The following ZNF280C variants were observed in gnomAD, a reference collection of about 807,000 sequenced individuals.
ZNF280C encodes the protein zinc finger protein 280C, also known as suppressor of hairy wing homolog 3.
In ZNF280C, 14 loss-of-function variants were observed where a neutral mutation model predicts 53.6. The ratio of observed to expected loss-of-function variants is 0.26; its 90% confidence interval spans 0.17 to 0.41. The LOEUF (loss-of-function observed/expected upper bound fraction) is 0.41, where lower values mean the gene tolerates loss of function less well. Among genes scored for constraint, ZNF280C ranks in the 10% least tolerant of loss-of-function variants. The pLI is 1.00. For missense variants in ZNF280C, 416 were observed against 547.1 expected (o/e 0.76, Z 2.39); for synonymous variants, 203 against 181.1 (o/e 1.12, Z -0.97).
chrX:130,231,687 G>A (rs1269812206), intron 8 of ZNF280C, among the ~76,000 whole-genome samples: 3 of 110,172 alleles, frequency 2.7e-5, no homozygotes, highest in African/African-American at 9.9e-5. Flanking sequence ...ATATACCCTT[G>A]TTAACAAACT....
In ZNF280C at chrX:130,257,317, G is replaced by A. The variant is rs190205043; in HGVS notation, c.31+3102C>T. On this transcript the variant is annotated intron_variant, in intron 2 of 18. Transcript: ENST00000370978. ...GACAATACATAGAAAAAGAGAAAAGGAAATGTATCCATCATAATACATTAA... is the reference window on the plus strand; with the variant it reads ...GACAATACATAGAAAAAGAGAAAAGAAAATGTATCCATCATAATACATTAA... Among the ~76,000 whole-genome samples the A allele has an allele frequency of 3.5e-3, 389 of 110,332 alleles. 4 individuals are homozygous for A. Among genetic ancestry groups the A allele is most frequent in the Middle Eastern group, 0.014 (3 of 214 alleles).
intron 13 of ZNF280C, among the ~76,000 whole-genome samples, chrX:130,219,892 A>T (rs1395987365): frequency 1.8e-5 from 2 of 111,027 alleles, no homozygotes; most frequent in Admixed American, 9.7e-5. Context: ...AACTAAAAAA[A>T]ACAATGGTTA....
rs2031927047 is a variant in ZNF280C, at chrX:130,202,745, G to C, written c.*2232C>G. ...AAGTTATTTATTAGAAATTTCCAAG[G>C]CACTTTAACAATACAAATTTTATTA... On this transcript the variant is annotated 3_prime_UTR_variant, in exon 19 of 19. Transcript: ENST00000370978. 1 of 109,658 alleles carries C rather than the reference G, an allele frequency of 9.1e-6. No homozygotes were observed. The highest frequency in any genetic ancestry group is 1.9e-5 in the Non-Finnish European group (1 of 52,704). 9.0% of individuals were successfully genotyped at this position (109,658 alleles called of 1,213,427 possible).
chrX:130,255,708 A>C (rs1410605433), intron 2 of ZNF280C, among the ~76,000 whole-genome samples: 3 of 111,732 alleles, frequency 2.7e-5, no homozygotes, highest in Non-Finnish European at 5.7e-5. Flanking sequence ...TAATCCCAGC[A>C]CTTTCGGAGG....
intron 2 of ZNF280C, among the ~76,000 whole-genome samples, chrX:130,257,807 G>A (rs886884842): frequency 3.6e-5 from 4 of 112,642 alleles, no homozygotes; most frequent in African/African-American, 1.3e-4. Context: ...AAAAAATAGT[G>A]AAGGAGATGT....
At chrX:130,232,419 C>T (rs1402533413) in intron 8 of ZNF280C, among the ~76,000 whole-genome samples, 1 of 108,769 alleles carries the variant, frequency 9.2e-6, no homozygotes, top group African/African-American at 3.4e-5. Context: ...CTAAGAATAA[C>T]TGGATAAAAA....
At chrX:130,240,626 T>C (rs1260695722) in intron 5 of ZNF280C, among the ~76,000 whole-genome samples, 1 of 112,475 alleles carries the variant, frequency 8.9e-6, no homozygotes, top group Non-Finnish European at 1.9e-5. Context: ...AAGGTAACAC[T>C]TTCAACCTTT....
chrX:130,264,019 C>A (rs1251573501), intron 1 of ZNF280C, among the ~76,000 whole-genome samples: 2 of 63,345 alleles, frequency 3.2e-5, no homozygotes, highest in African/African-American at 7.1e-5. Flanking sequence ...AGTGAGACAC[C>A]ATCTCAAAAA....
intron 16 of ZNF280C, among the ~76,000 whole-genome samples, chrX:130,207,962 G>A (rs1484872576): frequency 9.0e-6 from 1 of 111,328 alleles, no homozygotes; most frequent in Admixed American, 9.6e-5. Flanking sequence ...TACATTCCTT[G>A]AAGGTTGGTA....
intron 16 of ZNF280C, among the ~76,000 whole-genome samples, chrX:130,207,957 T>C (rs1274132549): frequency 3.6e-5 from 4 of 111,627 alleles, no homozygotes; most frequent in African/African-American, 1.3e-4. Flanking sequence ...AATTGTACAT[T>C]CCTTGAAGGT....
At chrX:130,245,784 C>CA (rs1556311571) in intron 3 of ZNF280C, among the ~76,000 whole-genome samples, 4 of 103,458 alleles carry the variant, frequency 3.9e-5, no homozygotes, top group South Asian at 4.3e-4. Context: ...TATTTGAGGA[C>CA]TTTTTTTTTT....
intron 3 of ZNF280C, among the ~76,000 whole-genome samples, chrX:130,244,302 C>T (rs1015823862): frequency 3.6e-5 from 4 of 111,695 alleles, no homozygotes; most frequent in African/African-American, 9.8e-5. Flanking sequence ...CCCTCTGGAT[C>T]GGTTTAAGAC....
At position 130,236,451 on chromosome X, in the gene ZNF280C, G is replaced by A; in HGVS notation, c.664+18C>T. On this transcript the variant is annotated intron_variant, in intron 7 of 18. Coordinates refer to ENST00000370978, the MANE Select transcript of ZNF280C (RefSeq NM_017666.5). The stretch of plus-strand genomic sequence containing the variant: ...AAAATAATACTATTTTTTTTTACAT[G>A]TCAGATTTCATGTTTACCTTTTGAC... The A allele has an allele frequency of 6.0e-6, 7 of 1,163,774 alleles. No homozygotes were observed. Among genetic ancestry groups the A allele is most frequent in the Non-Finnish European group, 8.0e-6 (7 of 873,218 alleles).
chrX:130,224,835 C>T (rs1485302648), intron 12 of ZNF280C, among the ~76,000 whole-genome samples: 3 of 111,706 alleles, frequency 2.7e-5, no homozygotes, highest in Non-Finnish European at 5.6e-5. Flanking sequence ...GTCACCATAA[C>T]CGTATTTTTT....
intron 3 of ZNF280C, 103 bp from the exon 4 acceptor site, chrX:130,243,968 A>T (rs2032421979): frequency 2.0e-6 from 1 of 510,564 alleles, no homozygotes; most frequent in Non-Finnish European, 2.9e-6. Context: ...TAATTGAAGT[A>T]TATTTCTTTC....
At chrX:130,237,181 AAACT>A (rs1332533569) in intron 6 of ZNF280C, among the ~76,000 whole-genome samples, 10 of 111,926 alleles carry the variant, frequency 8.9e-5, no homozygotes, top group African/African-American at 2.3e-4. Context: ...TCCACCGAAC[AAACT>A]AACAGGTGGT....
chrX:130,213,543 G>A (rs775338695), intron 15 of ZNF280C, among the ~76,000 whole-genome samples: 11 of 112,262 alleles, frequency 9.8e-5, no homozygotes, highest in Non-Finnish European at 1.7e-4. Context: ...GACTAAGCAT[G>A]CCTGAAGATA....
intron 2 of ZNF280C, 67 bp from the exon 3 acceptor site, chrX:130,247,072 A>G: frequency 2.0e-6 from 2 of 1,000,111 alleles, no homozygotes; most frequent in Non-Finnish European, 2.7e-6. Flanking sequence ...TGCAATACAT[A>G]GTATGATATT....
At chrX:130,212,172 G>A (rs778436602) in intron 15 of ZNF280C, among the ~76,000 whole-genome samples, 2 of 111,824 alleles carry the variant, frequency 1.8e-5, no homozygotes, top group African/African-American at 6.5e-5. Context: ...TCTAGCTGGT[G>A]CTTCATGTTT....
Sources: allele counts gnomAD v4.1 joint callset (sites outside exome capture counted in the v4.1 genomes callset), GRCh38; gene constraint gnomAD v4.1.1; transcripts MANE v1.5; gene names NCBI Gene and HGNC (gene_info 2026-07-23, HGNC 2026-07-21).